Variants in ATG2B observed in about 807,000 individuals in gnomAD.
ATG2B encodes autophagy related 2B.
ATG2B carries 121 observed loss-of-function variants against 241.3 expected under a neutral mutation model. The ratio of observed to expected loss-of-function variants is 0.50; its 90% confidence interval spans 0.43 to 0.58. The LOEUF (loss-of-function observed/expected upper bound fraction) is 0.58. Among genes scored for constraint, ATG2B ranks in the 20% least tolerant of loss-of-function variants. The pLI is 0.00. For synonymous variants in ATG2B, 858 were observed against 876.6 expected, an observed-to-expected ratio of 0.98 and a Z score of 0.37; for missense variants, 2,306 against 2,491.6, an observed-to-expected ratio of 0.93 and a Z score of 1.59.
rs368271341 is a variant in ATG2B, at chr14:96,301,072, A to G, written c.5139+935T>C. Among the ~76,000 whole-genome samples the G allele has an allele frequency of 2.6e-5, 4 of 152,372 alleles. No homozygotes were observed. The East Asian group carries it at 7.7e-4, about 29-fold the overall frequency. On this transcript the variant is annotated intron_variant, in intron 34 of 41. Coordinates refer to ENST00000359933, the MANE Select transcript of ATG2B (RefSeq NM_018036.7). ...TTGTTATTTCACAGCAGATTAGTTA[A>G]AAACTCCATTTATGTTCTGCAATTA...
chr14:96,333,791 C>A lies in ATG2B; in HGVS notation c.1104G>T (p.Met368Ile), dbSNP rs748994578. The change falls in exon 8 of 42, where the codon ATG becomes ATT. Residue 368 changes from methionine to isoleucine, a missense_variant. Physicochemically the swap from Met to Ile is conservative, Grantham distance 10. Coordinates refer to ENST00000359933, the MANE Select transcript of ATG2B (RefSeq NM_018036.7). ...MQQEDEYRIQMELNRYYLRKD... is the reference protein window; with the variant it reads ...MQQEDEYRIQIELNRYYLRKD... ...TTCTCAAATAATACCGGTTTAATTC[C>A]ATCTGAATTCGATACTCGTCTTCCT... The A allele has an allele frequency of 1.2e-5, 19 of 1,613,752 alleles. No homozygotes were observed. In the Admixed American group the frequency reaches 3.2e-4, roughly 27 times the overall value.
Position 96,289,517 on chromosome 14 carries a change from G to T in ATG2B, c.6006+139C>A. 2 of 1,002,432 alleles carry T rather than the reference G, an allele frequency of 2.0e-6. No individual in the cohort carries two copies. Among genetic ancestry groups the T allele is most frequent in the Non-Finnish European group, 3.0e-6 (2 of 673,246 alleles). The allele number at this position is 1,002,432 out of a possible 1,614,324, so 62.1% of individuals were successfully genotyped here. On this transcript the variant is annotated intron_variant, in intron 41 of 41. Coordinates refer to ENST00000359933, the MANE Select transcript of ATG2B (RefSeq NM_018036.7). This position sits in a 1 kb window ranked among gnomAD's most constrained non-coding sequence, Gnocchi z 4.3. ...TTTCCATCACCTCACACAGATATGG[G>T]CACATGTTATTAGTGGCAGTTGCCA... is the stretch of plus-strand genomic sequence containing the variant.
At chr14:96,325,999 A>G in intron 14 of ATG2B, 77 bp from the exon 15 acceptor site, 1 of 1,367,744 alleles carries the variant, frequency 7.3e-7, no homozygotes, top group Non-Finnish European at 1.0e-6. Context: ...CAACATTACA[A>G]TATGTATAAT....
chr14:96,341,411 A>G (rs1888031182), intron 6 of ATG2B, 111 bp downstream of exon 6: 5 of 797,308 alleles, frequency 6.3e-6, no homozygotes, highest in Non-Finnish European at 7.4e-6. Flanking sequence ...TGACAGCAGT[A>G]CACTAGTTAC....
Position 96,290,018 on chromosome 14 carries a change from G to T in ATG2B, c.5857-213C>A. 2.2e-6 allele frequency: 2 copies of T among 909,430 alleles called. No homozygotes were observed. Among genetic ancestry groups the T allele is most frequent in the Non-Finnish European group, 3.1e-6 (2 of 648,404 alleles). The allele number at this position is 909,430 out of a possible 1,614,324, so 56.3% of individuals were successfully genotyped here. ...TAAATTAATAACTAACACCTGGATT[G>T]AGCTAAATTTTTAGCCCCTCCTCTG... On this transcript the variant is annotated intron_variant, in intron 40 of 41. Coordinates refer to ENST00000359933, the MANE Select transcript of ATG2B (RefSeq NM_018036.7). This position sits in a 1 kb window ranked among gnomAD's most constrained non-coding sequence, Gnocchi z 4.4.
intron 29 of ATG2B, among the ~76,000 whole-genome samples, chr14:96,308,249 TATACACACATATATATATATATATATATA>T (rs1887030230): frequency 2.6e-4 from 4 of 15,450 alleles, no homozygotes; most frequent in African/African-American, 8.9e-4. Context: ...TATATATATA[TATACACACATATATATATATATATATATA>T]TATATTTTTT....
At chr14:96,287,563 G>T (rs1265937058) in intron 41 of ATG2B, among the ~76,000 whole-genome samples, 1 of 152,138 alleles carries the variant, frequency 6.6e-6, no homozygotes, top group African/African-American at 2.4e-5. Flanking sequence ...TTTAAAGAGG[G>T]AACTAAAATG....
At chr14:96,307,835 T>C (rs532201037) in intron 29 of ATG2B, among the ~76,000 whole-genome samples, 1 of 152,274 alleles carries the variant, frequency 6.6e-6, no homozygotes, top group South Asian at 2.1e-4. Flanking sequence ...AGATTACATG[T>C]GCACCAAAAT....
intron 11 of ATG2B, among the ~76,000 whole-genome samples, chr14:96,330,948 C>A (rs551277181): frequency 6.6e-6 from 1 of 152,126 alleles, no homozygotes; most frequent in Admixed American, 6.5e-5. Context: ...TGTTTCCCAC[C>A]CCATGGCCAG....
intron 32 of ATG2B, 151 bp from the exon 33 acceptor site, chr14:96,303,406 C>A: frequency 1.8e-6 from 1 of 559,636 alleles, no homozygotes. Flanking sequence ...AACAACATGA[C>A]ATTCCTTCAC....
intron 6 of ATG2B, among the ~76,000 whole-genome samples, chr14:96,340,917 C>A (rs1456953966): frequency 7.7e-6 from 1 of 129,780 alleles, no homozygotes; most frequent in African/African-American, 3.0e-5. Context: ...CAGAGGGAGA[C>A]CCCATCTCGA....
At chr14:96,333,595 T>G (rs1887795954) in intron 8 of ATG2B, 93 bp downstream of exon 8, 2 of 1,179,334 alleles carry the variant, frequency 1.7e-6, no homozygotes, top group Admixed American at 2.5e-5. Context: ...GTTCTTTCAT[T>G]CCTAAACTTC....
In ATG2B at chr14:96,303,231, G is replaced by C; in HGVS notation, c.4867C>G (p.Pro1623Ala). The C allele has an allele frequency of 6.3e-7, 1 of 1,593,186 alleles. No individual in the cohort carries two copies. ...SKVKFQHEVYPPCKPDCDSSL... is the reference protein window; with the variant it reads ...SKVKFQHEVYAPCKPDCDSSL... The stretch of plus-strand genomic sequence containing the variant: ...GAATCACAATCAGGTTTGCATGGCG[G>C]GTAGACTTCATGCTGAAACTTCACC... Residue 1623 changes from proline (P) to alanine (A), a missense_variant, in exon 33 of 42, where the codon CCG becomes GCG. Physicochemically the swap from Pro to Ala is conservative, Grantham distance 27. Transcript: ENST00000359933.
intron 18 of ATG2B, among the ~76,000 whole-genome samples, 191 bp downstream of exon 18, chr14:96,321,921 A>T (rs1887467322): frequency 6.6e-6 from 1 of 152,142 alleles, no homozygotes; most frequent in Non-Finnish European, 1.5e-5. Context: ...CACACCCGGC[A>T]CCACGCTAGT....
intron 32 of ATG2B, 98 bp downstream of exon 32, chr14:96,304,397 T>C (rs1174638318): frequency 3.7e-6 from 3 of 806,216 alleles, no homozygotes; most frequent in Non-Finnish European, 4.1e-6. Flanking sequence ...ATCCAAAGGG[T>C]TGGGACTTAA....
At position 96,340,450 on chromosome 14, in the gene ATG2B, A is replaced by G. The variant is rs577191327; in HGVS notation, c.924+1072T>C. Reference sequence around the variant, plus strand: ...ATGTTAAGTGACATAAGCCAAGCACAAAAAGATAACGCATGTTCTCACTCA... The same window carrying G: ...ATGTTAAGTGACATAAGCCAAGCACGAAAAGATAACGCATGTTCTCACTCA... On this transcript the variant is annotated intron_variant, in intron 6 of 41. Coordinates refer to ENST00000359933, the MANE Select transcript of ATG2B (RefSeq NM_018036.7). Among the ~76,000 whole-genome samples the G allele has an allele frequency of 5.9e-5, 9 of 152,216 alleles. 1 individual carries two copies. Among genetic ancestry groups the G allele is most frequent in the African/African-American group, 2.2e-4 (9 of 41,558 alleles).
intron 31 of ATG2B, 111 bp downstream of exon 31, chr14:96,305,478 T>C (rs1260782189): frequency 7.6e-6 from 5 of 657,096 alleles, no homozygotes; most frequent in African/African-American, 1.8e-5. Flanking sequence ...ATTCTTAAAA[T>C]GATAAATCCT....
Position 96,305,648 on chromosome 14 carries a change from A to G in ATG2B, c.4674T>C (p.His1558=), listed in dbSNP as rs1416095657. Residue 1558 remains histidine, a synonymous_variant, in exon 31 of 42, where the codon CAT becomes CAC. Coordinates refer to ENST00000359933, the MANE Select transcript of ATG2B (RefSeq NM_018036.7). ...TTCCAAAATCCTTTCCTCCATAAAG[A>G]TGCCAGACAAGAGAGACCTCCTTCA... ...YVVKEVSLVW[H]LYGGKDFGIV... 6.2e-7 allele frequency: 1 copy of G among 1,614,186 alleles called. No homozygotes were observed.
Position 96,343,139 on chromosome 14 carries a change from C to T in ATG2B, c.724G>A (p.Val242Met), listed in dbSNP as rs1379474545. 9 of 1,599,568 alleles carry T rather than the reference C, an allele frequency of 5.6e-6. No individual in the cohort carries two copies. In the Admixed American group the frequency reaches 8.8e-5, roughly 16 times the overall value. Reference protein sequence around the residue: ...EFSASAKSSPVCSTAPVETEP... With the variant: ...EFSASAKSSPMCSTAPVETEP... ...CTTACCACTGGTGCAGTTGAACACA[C>T]TGGGGAAGATTTGGCTGATGCAGAA... The change falls in exon 5 of 42, where the codon GTG becomes ATG. Residue 242 changes from valine (V) to methionine (M), a missense_variant. Around this residue, in one of 2 missense-constraint regions of ATG2B, gnomAD observed 1,927 missense variants for 2,011.2 expected, o/e 0.96. Transcript: ENST00000359933.
Sources: allele counts gnomAD v4.1 joint callset (sites outside exome capture counted in the v4.1 genomes callset), GRCh38; gene constraint gnomAD v4.1.1; regional missense constraint gnomAD v4.1.1; non-coding constraint Gnocchi (gnomAD v3.1); transcripts MANE v1.5; gene names NCBI Gene and HGNC (gene_info 2026-07-23, HGNC 2026-07-21).